FBXL18: variants seen among roughly 807,000 people sequenced by gnomAD.
The protein encoded by FBXL18 is F-box/LRR-repeat protein 18.
A neutral mutation model predicts 46.0 loss-of-function variants in FBXL18; 36 were observed. That is an observed-to-expected ratio of 0.78 (90% CI 0.60 to 1.03). FBXL18 has a LOEUF of 1.03. Among genes scored for constraint, FBXL18 ranks in the 50% least tolerant of loss-of-function variants. The pLI, the probability that FBXL18 is intolerant of heterozygous loss-of-function variation, is 0.00. For synonymous variants in FBXL18, 557 were observed against 465.3 expected (o/e 1.20, Z -2.54); for missense variants, 977 against 1,004.1 (o/e 0.97, Z 0.36).
At chr7:5,488,069 A>G (rs539896484) in intron 4 of FBXL18, among the ~76,000 whole-genome samples, 2 of 152,332 alleles carry the variant, frequency 1.3e-5, no homozygotes, top group East Asian at 1.9e-4. Flanking sequence ...GACACAAAAC[A>G]CCAAAGAGCT....
chr7:5,455,742 C>T lies in FBXL18; in HGVS notation c.2001-7899G>A, dbSNP rs970843533. ...ATGTCCCTAGATGGTGCCTCCCCCC[C>T]ACCCCCACTACACACACACAAACAC... On this transcript the variant is annotated intron_variant and NMD_transcript_variant, in intron 4 of 6. Coordinates refer to the FBXL18 transcript ENST00000415009. This position sits in a 1 kb window ranked among gnomAD's most constrained non-coding sequence, Gnocchi z 4.6. Among the ~76,000 whole-genome samples the T allele has an allele frequency of 2.7e-5, 4 of 149,998 alleles. No individual in the cohort carries two copies. Among genetic ancestry groups the T allele is most frequent in the Non-Finnish European group, 3.0e-5 (2 of 67,680 alleles).
chr7:5,471,627 G>T (rs1196058081), downstream of FBXL18, among the ~76,000 whole-genome samples: 4 of 152,138 alleles, frequency 2.6e-5, no homozygotes, highest in Non-Finnish European at 4.4e-5. Flanking sequence ...AGCCAGGATG[G>T]TCTCGATCTC....
At chr7:5,511,819 T>A (rs1429005654) in intron 1 of FBXL18, among the ~76,000 whole-genome samples, 1 of 150,848 alleles carries the variant, frequency 6.6e-6, no homozygotes, top group East Asian at 2.0e-4. Flanking sequence ...AAACATCTCC[T>A]ACCTAGAACC....
downstream of FBXL18, among the ~76,000 whole-genome samples, chr7:5,474,483 T>C (rs1783476440): frequency 6.6e-6 from 1 of 151,408 alleles, no homozygotes; most frequent in African/African-American, 2.4e-5. Context: ...GCCCGGCTAA[T>C]ATTTGTACTT....
chr7:5,510,233 G>A (rs1202618666), intron 1 of FBXL18, among the ~76,000 whole-genome samples: 2 of 150,778 alleles, frequency 1.3e-5, no homozygotes, highest in Non-Finnish European at 2.9e-5. Context: ...AACCGAGGAG[G>A]TGGAGGTTGC....
chr7:5,513,567 G>T, intron 1 of FBXL18, 90 bp downstream of exon 1: 2 of 1,455,324 alleles, frequency 1.4e-6, no homozygotes, highest in Non-Finnish European at 1.9e-6. Context: ...GGATAGAAAG[G>T]ATGCAAGGGA....
At chr7:5,487,343 T>C (rs976004208) in intron 4 of FBXL18, among the ~76,000 whole-genome samples, 15 of 152,054 alleles carry the variant, frequency 9.9e-5, no homozygotes, top group African/African-American at 3.6e-4. Flanking sequence ...GCCAGCAGGG[T>C]GGGAAGAGAA....
rs1473221229 is a variant in FBXL18 at position 5,481,533 on chromosome 7, C to A, written c.*242G>T. ...GGTCAGCCTGGTTCAGCCAGCCCCC[C>A]ACATCGACCGTCCCCCGAGCCCCCT... On this transcript the variant is annotated 3_prime_UTR_variant, in exon 5 of 5. Transcript: ENST00000382368. The A allele has an allele frequency of 2.8e-5, 13 of 470,758 alleles. No individual in the cohort carries two copies. The highest frequency in any genetic ancestry group is 1.3e-4 in the South Asian group (6 of 45,138). The allele number at this position is 470,758 out of a possible 1,614,324, so 29.2% of individuals were successfully genotyped here.
At chr7:5,469,893 A>C (rs996206683) in intron 4 of FBXL18, among the ~76,000 whole-genome samples, 5 of 150,000 alleles carry the variant, frequency 3.3e-5, no homozygotes, top group Non-Finnish European at 7.4e-5. Context: ...TGTGTGTGCG[A>C]GGGCATGTGT....
At chr7:5,493,995 G>A (rs780217634) in intron 3 of FBXL18, among the ~76,000 whole-genome samples, 7 of 151,852 alleles carry the variant, frequency 4.6e-5, no homozygotes, top group South Asian at 2.1e-4. Context: ...CAGGCAGGCC[G>A]GGCACGGTGG....
At chr7:5,487,281 A>C (rs1044634269) in intron 4 of FBXL18, among the ~76,000 whole-genome samples, 1 of 152,220 alleles carries the variant, frequency 6.6e-6, no homozygotes, top group Admixed American at 6.5e-5. Flanking sequence ...GCTGTGGTAC[A>C]GGTGTCCGTG....
At chr7:5,462,058 A>G (rs1783255362) in intron 4 of FBXL18, among the ~76,000 whole-genome samples, 1 of 152,046 alleles carries the variant, frequency 6.6e-6, no homozygotes, top group African/African-American at 2.4e-5. Context: ...TGGCCAACAC[A>G]GTGAAGCCCC....
chr7:5,510,900 C>T (rs905627029), intron 1 of FBXL18, among the ~76,000 whole-genome samples: 6 of 152,138 alleles, frequency 3.9e-5, no homozygotes, highest in Non-Finnish European at 7.4e-5. Context: ...CTGGAATGTG[C>T]TTACCAGGCA....
Position 5,481,298 on chromosome 7 carries a change from T to C in FBXL18, c.*477A>G, listed in dbSNP as rs10046575. 79,097 of 169,884 alleles carry C rather than the reference T, an allele frequency of 0.47. 19,036 individuals carry two copies. The highest frequency in any genetic ancestry group is 0.71 in the East Asian group (3,808 of 5,376). 10.5% of individuals were successfully genotyped at this position (169,884 alleles called of 1,614,324 possible). On this transcript the variant is annotated 3_prime_UTR_variant, in exon 5 of 5. Coordinates refer to ENST00000382368, the MANE Select transcript of FBXL18 (RefSeq NM_024963.6). ...TTGACCATGCAAGGGGACACTCAGA[T>C]ACACGGTGACCAGCCCGGCCGACTG...
At chr7:5,475,561 T>C (rs188450271), downstream of FBXL18, among the ~76,000 whole-genome samples, 548 of 152,284 alleles carry the variant, frequency 3.6e-3, no homozygotes, top group South Asian at 7.0e-3. This position sits in a 1 kb window ranked among gnomAD's most constrained non-coding sequence, Gnocchi z 4.2. Context: ...ACCTTTGGCC[T>C]CCCCAGCCCA....
At chr7:5,495,587 G>C (rs1017106079) in intron 3 of FBXL18, among the ~76,000 whole-genome samples, 1 of 152,208 alleles carries the variant, frequency 6.6e-6, no homozygotes, top group African/African-American at 2.4e-5. Flanking sequence ...TGGGGGTCAC[G>C]GTGTGGGGGC....
At chr7:5,459,175 G>T (rs550489645) in intron 4 of FBXL18, among the ~76,000 whole-genome samples, 1 of 152,308 alleles carries the variant, frequency 6.6e-6, no homozygotes, top group South Asian at 2.1e-4. Context: ...AACAGAAAGA[G>T]AAGAAAAGAA....
intron 4 of FBXL18, among the ~76,000 whole-genome samples, chr7:5,464,958 G>A (rs1052586477): frequency 2.6e-5 from 4 of 152,016 alleles, no homozygotes; most frequent in African/African-American, 9.6e-5. Context: ...AGCTACTCGG[G>A]AGGCTGAGGC....
In FBXL18 at chr7:5,478,949, C is replaced by G. The variant is rs1783580561; in HGVS notation, c.*2826G>C. On this transcript the variant is annotated 3_prime_UTR_variant, in exon 5 of 5. Coordinates refer to ENST00000382368, the MANE Select transcript of FBXL18 (RefSeq NM_024963.6). Reference sequence around the variant, plus strand: ...TCTGCTGCTTAACAGCCGAGCTCTGCCAATTGGGGACCATTAGGGTGGGTT... The same window carrying G: ...TCTGCTGCTTAACAGCCGAGCTCTGGCAATTGGGGACCATTAGGGTGGGTT... 6.6e-6 allele frequency: 1 copy of G among 152,278 alleles called. No individual in the cohort carries two copies. Among genetic ancestry groups the G allele is most frequent in the African/African-American group, 2.4e-5 (1 of 41,464 alleles). 9.4% of individuals were successfully genotyped at this position (152,278 alleles called of 1,614,324 possible). A position where few individuals can be genotyped will look rare whatever the true frequency, so the allele number is the denominator to read the frequency against.
Sources: allele counts gnomAD v4.1 joint callset (sites outside exome capture counted in the v4.1 genomes callset), GRCh38; gene constraint gnomAD v4.1.1; non-coding constraint Gnocchi (gnomAD v3.1); transcripts MANE v1.5; gene names NCBI Gene and HGNC (gene_info 2026-07-23, HGNC 2026-07-21).